Variants in NUP153 observed in about 807,000 individuals in gnomAD.
NUP153 encodes the protein nuclear pore complex protein Nup153.
Under a neutral mutation model 134.6 loss-of-function variants are expected in NUP153, and 27 were observed. That is an observed-to-expected ratio of 0.20 (90% confidence interval 0.15 to 0.28). The LOEUF is 0.28. Among genes scored for constraint, NUP153 ranks in the 10% least tolerant of loss-of-function variants. NUP153 has a pLI of 1.00. For missense variants in NUP153, 1,821 were observed against 1,731.3 expected, an observed-to-expected ratio of 1.05 and a Z score of -0.92; for synonymous variants, 640 against 623.5, an observed-to-expected ratio of 1.03 and a Z score of -0.40.
chr6:17,660,248 C>T (rs980046825), intron 11 of NUP153, among the ~76,000 whole-genome samples: 1 of 152,236 alleles, frequency 6.6e-6, no homozygotes, highest in East Asian at 1.9e-4. Context: ...ATAGGAAAAG[C>T]ATGTTTAAAA....
At chr6:17,697,089 C>T (rs563056473) in intron 1 of NUP153, among the ~76,000 whole-genome samples, 6 of 151,788 alleles carry the variant, frequency 4.0e-5, no homozygotes, top group Non-Finnish European at 8.8e-5. Context: ...AAAAATTAAT[C>T]TTAAAAAATA....
intron 8 of NUP153, among the ~76,000 whole-genome samples, chr6:17,668,740 G>A (rs1266541869): frequency 6.6e-6 from 1 of 151,990 alleles, no homozygotes; most frequent in African/African-American, 2.4e-5. Flanking sequence ...TTACTAGGGA[G>A]GCTGGGGCAC....
chr6:17,677,688 T>C (rs1034596095), intron 2 of NUP153, among the ~76,000 whole-genome samples: 1 of 152,010 alleles, frequency 6.6e-6, no homozygotes, highest in Non-Finnish European at 1.5e-5. Context: ...AATTTCTTCT[T>C]TTAGAGTGTC....
chr6:17,635,811 C>T (rs1417344215), intron 16 of NUP153, among the ~76,000 whole-genome samples: 1 of 152,232 alleles, frequency 6.6e-6, no homozygotes, highest in Non-Finnish European at 1.5e-5. Flanking sequence ...ACAAACTTGA[C>T]TGTATCACTC....
At chr6:17,652,709 A>G (rs2113803979) in intron 11 of NUP153, among the ~76,000 whole-genome samples, 1 of 152,284 alleles carries the variant, frequency 6.6e-6, no homozygotes, top group South Asian at 2.1e-4. Flanking sequence ...AAAATTTATA[A>G]AGACCTCCTA....
rs1302430324 is a variant in NUP153, at chr6:17,615,358, AT to A, written c.*738del. 3.3e-5 allele frequency: 5 copies of A among 152,778 alleles called. No individual in the cohort carries two copies. The highest frequency in any genetic ancestry group is 1.2e-4 in the African/African-American group (5 of 41,584). 9.5% of individuals were successfully genotyped at this position (152,778 alleles called of 1,614,324 possible). ...ACAAGACTAAACAAACAACAAAAAA[AT>A]CTCTAACACAAAATTCAAATTTCAA... is the stretch of plus-strand genomic sequence containing the variant. On this transcript the variant is annotated 3_prime_UTR_variant, in exon 22 of 22. Coordinates refer to ENST00000262077, the MANE Select transcript of NUP153 (RefSeq NM_005124.4). The surrounding 1 kb of genome is among the most constrained non-coding windows in gnomAD (Gnocchi z 5.7).
chr6:17,651,096 C>T (rs1041709571), intron 11 of NUP153, among the ~76,000 whole-genome samples: 1 of 152,042 alleles, frequency 6.6e-6, no homozygotes, highest in African/African-American at 2.4e-5. Flanking sequence ...GCCAAGAGTT[C>T]GAGACCAGTC....
chr6:17,631,847 G>A (rs1165187539), intron 17 of NUP153, among the ~76,000 whole-genome samples: 1 of 152,088 alleles, frequency 6.6e-6, no homozygotes, highest in African/African-American at 2.4e-5. Context: ...GGTTCCTGTA[G>A]TCCCAGCTAC....
chr6:17,697,478 G>A (rs922003614), intron 1 of NUP153, among the ~76,000 whole-genome samples: 3 of 152,214 alleles, frequency 2.0e-5, no homozygotes, highest in African/African-American at 7.2e-5. Context: ...CTGAGGTCAG[G>A]AGTTCAAGAC....
At chr6:17,658,220 A>C (rs1333580852) in intron 11 of NUP153, among the ~76,000 whole-genome samples, 1 of 152,222 alleles carries the variant, frequency 6.6e-6, no homozygotes, top group Non-Finnish European at 1.5e-5. Flanking sequence ...AAGATGGTGA[A>C]ACCCTGTCTC....
chr6:17,696,342 C>T (rs9367959), intron 1 of NUP153, among the ~76,000 whole-genome samples: 1 of 152,060 alleles, frequency 6.6e-6, no homozygotes, highest in Non-Finnish European at 1.5e-5. Flanking sequence ...CAAGGAAGGC[C>T]CAATGTAACC....
intron 1 of NUP153, among the ~76,000 whole-genome samples, chr6:17,701,571 G>T (rs1770075479): frequency 6.6e-6 from 1 of 150,754 alleles, no homozygotes; most frequent in Admixed American, 6.6e-5. Context: ...CTGAGGCAGA[G>T]AACTGCTTGA....
intron 1 of NUP153, among the ~76,000 whole-genome samples, chr6:17,690,887 C>T (rs1038953119): frequency 6.6e-6 from 1 of 152,116 alleles, no homozygotes; most frequent in African/African-American, 2.4e-5. Flanking sequence ...CGCCTGTAAT[C>T]CCAGCACTTT....
intron 1 of NUP153, among the ~76,000 whole-genome samples, chr6:17,701,707 G>A (rs947005336): frequency 2.0e-5 from 3 of 151,102 alleles, no homozygotes; most frequent in East Asian, 1.9e-4. Flanking sequence ...GGTGGCCTGC[G>A]CCTGTAATCC....
At chr6:17,669,266 T>C (rs1363753814) in intron 7 of NUP153, 27 bp downstream of exon 7, 1 of 1,590,914 alleles carries the variant, frequency 6.3e-7, no homozygotes, top group African/African-American at 1.3e-5. Flanking sequence ...AACAATATTT[T>C]GTAAAAAGGT....
At chr6:17,670,813 AT>A (rs980194919) in intron 5 of NUP153, among the ~76,000 whole-genome samples, 1 of 151,826 alleles carries the variant, frequency 6.6e-6, no homozygotes, top group Non-Finnish European at 1.5e-5. Context: ...TTAATTTTTT[AT>A]TTTTTATTTT....
intron 16 of NUP153, among the ~76,000 whole-genome samples, chr6:17,633,748 T>C (rs1765379291): frequency 6.6e-6 from 1 of 152,184 alleles, no homozygotes; most frequent in Non-Finnish European, 1.5e-5. Flanking sequence ...CATTCTGGTA[T>C]TCCTACTTCT....
intron 15 of NUP153, 89 bp downstream of exon 15, chr6:17,639,850 A>G: frequency 8.0e-7 from 1 of 1,254,568 alleles, no homozygotes; most frequent in Non-Finnish European, 1.1e-6. Flanking sequence ...CTAGTCAGAA[A>G]TTTTTAAAAG....
rs1765606457 is a variant in NUP153, at chr6:17,637,442, A to C, written c.2175T>G (p.Thr725=). The C allele has an allele frequency of 6.2e-7, 1 of 1,614,240 alleles. No homozygotes were observed. The highest frequency in any genetic ancestry group is 8.5e-7 in the Non-Finnish European group (1 of 1,180,044). The change falls in exon 16 of 22, where the codon ACT becomes ACG. Residue 725 remains threonine (T), a synonymous_variant. Coordinates refer to ENST00000262077, the MANE Select transcript of NUP153 (RefSeq NM_005124.4). ...FGDKFKPVIG[T]WDCDTCLVQN... Reference sequence around the variant, plus strand: ...GCACTAAACAGGTATCACAATCCCAAGTGCCTATCACTGGTTTAAATTTGT... The same window carrying C: ...GCACTAAACAGGTATCACAATCCCACGTGCCTATCACTGGTTTAAATTTGT...
Sources: gnomAD v4.1 joint callset for allele counts (sites outside exome capture counted in the v4.1 genomes callset) on GRCh38, gnomAD v4.1.1 for gene constraint, Gnocchi (gnomAD v3.1) non-coding constraint, MANE v1.5 for transcripts, NCBI Gene and HGNC (gene_info 2026-07-23, HGNC 2026-07-21) for gene names.